Variants in IL1R1 observed in about 807,000 individuals in gnomAD.
IL1R1 encodes the protein interleukin 1 receptor type 1.
IL1R1 carries 22 observed loss-of-function variants against 50.2 expected under a neutral mutation model. The observed-to-expected ratio is 0.44, with a 90% CI of 0.31 to 0.63. The LOEUF (loss-of-function observed/expected upper bound fraction) is 0.63, where lower values mean the gene tolerates loss of function less well. Ranked by LOEUF, IL1R1 falls within the 20% of genes least tolerant of loss-of-function variation. The pLI, the probability that IL1R1 is intolerant of heterozygous loss-of-function variation, is 0.07. For synonymous variants in IL1R1, 251 were observed against 236.7 expected, an observed-to-expected ratio of 1.06 and a Z score of -0.55; for missense variants, 509 against 676.2, an observed-to-expected ratio of 0.75 and a Z score of 2.74.
Position 102,178,570 on chromosome 2 carries a change from T to C in IL1R1, c.*1811T>C, listed in dbSNP as rs200444205. ...GGTGTTCTGAGTACTTGATTTCAGG[T>C]CAATAACGGTCCCCCCTCACTCCAC... On this transcript the variant is annotated 3_prime_UTR_variant, in exon 12 of 12. Coordinates refer to ENST00000410023, the MANE Select transcript of IL1R1 (RefSeq NM_000877.4). The C allele has an allele frequency of 6.6e-6, 1 of 150,890 alleles. No homozygotes were observed. The highest frequency in any genetic ancestry group is 1.5e-5 in the Non-Finnish European group (1 of 67,580). 9.3% of individuals were successfully genotyped at this position (150,890 alleles called of 1,614,324 possible).
intron 1 of IL1R1, among the ~76,000 whole-genome samples, chr2:102,136,374 A>ATT (rs10664336): frequency 0.62 from 73,632 of 118,318 alleles, 23,853 homozygotes; most frequent in Non-Finnish European, 0.66. Context: ...GGATAACAGT[A>ATT]TTTTTTTTTT....
intron 1 of IL1R1, among the ~76,000 whole-genome samples, chr2:102,080,868 C>T (rs1024048445): frequency 6.6e-6 from 1 of 152,164 alleles, no homozygotes; most frequent in African/African-American, 2.4e-5. Context: ...GAATATTATT[C>T]AGCCATGGAA....
chr2:102,174,669 C>T lies in IL1R1; in HGVS notation c.1074C>T (p.Ile358=). The part of the protein sequence containing the change: ...IIVCSVFIYK[I]FKIDIVLWYR... ...TGTGTTCTGTTTTCATCTATAAAAT[C>T]TTCAAGATTGACATTGTGCTTTGGT... The change falls in exon 10 of 12, where the codon ATC becomes ATT. Residue 358 remains isoleucine, a synonymous_variant. Coordinates refer to ENST00000410023, the MANE Select transcript of IL1R1 (RefSeq NM_000877.4). 6.2e-7 allele frequency: 1 copy of T among 1,612,226 alleles called. No individual in the cohort carries two copies.
intron 1 of IL1R1, among the ~76,000 whole-genome samples, chr2:102,072,033 G>T (rs954003534): frequency 3.9e-5 from 6 of 152,052 alleles, no homozygotes; most frequent in African/African-American, 1.5e-4. Context: ...GAAGTGGGGG[G>T]AATCAGCTGA....
intron 1 of IL1R1, among the ~76,000 whole-genome samples, chr2:102,128,895 G>T (rs1407453083): frequency 2.0e-5 from 3 of 152,114 alleles, no homozygotes; most frequent in Non-Finnish European, 2.9e-5. Flanking sequence ...TAGGATGTCT[G>T]TTGCTGTCTA....
chr2:102,169,361 C>T (rs1312542998), intron 7 of IL1R1, among the ~76,000 whole-genome samples: 1 of 152,196 alleles, frequency 6.6e-6, no homozygotes, highest in Non-Finnish European at 1.5e-5. Flanking sequence ...TGGACATGTA[C>T]AATTAAATTA....
At chr2:102,082,076 T>C (rs1173805240) in intron 1 of IL1R1, among the ~76,000 whole-genome samples, 2 of 152,226 alleles carry the variant, frequency 1.3e-5, no homozygotes, top group Non-Finnish European at 2.9e-5. Flanking sequence ...ACCTAACACC[T>C]TGGCATTCAC....
chr2:102,097,227 C>T (rs903544360), intron 1 of IL1R1, among the ~76,000 whole-genome samples: 3 of 152,166 alleles, frequency 2.0e-5, no homozygotes, highest in Admixed American at 1.3e-4. Context: ...CATAGCTTCA[C>T]ATATAAGAGA....
At chr2:102,145,668 T>G (rs905546738) in intron 1 of IL1R1, among the ~76,000 whole-genome samples, 2 of 152,156 alleles carry the variant, frequency 1.3e-5, no homozygotes, top group Non-Finnish European at 2.9e-5. Flanking sequence ...ACATGTGCAG[T>G]GTAAACCCTG....
At chr2:102,140,880 G>GT (rs1682608769), upstream of IL1R1, among the ~76,000 whole-genome samples, 1 of 152,194 alleles carries the variant, frequency 6.6e-6, no homozygotes, top group Admixed American at 6.5e-5. Context: ...TTGGGCGGGT[G>GT]TTTGAGAGTC....
At chr2:102,093,331 T>TGTGA (rs1260211241) in intron 1 of IL1R1, among the ~76,000 whole-genome samples, 1 of 152,178 alleles carries the variant, frequency 6.6e-6, no homozygotes, top group Admixed American at 6.5e-5. Context: ...GGAAAACCCT[T>TGTGA]GTGAGTCTTC....
chr2:102,097,502 C>T (rs1679956559), intron 1 of IL1R1, among the ~76,000 whole-genome samples: 1 of 151,944 alleles, frequency 6.6e-6, no homozygotes, highest in South Asian at 2.1e-4. Context: ...ACAAGTCCCT[C>T]ATCTAGAAAT....
At chr2:102,103,217 G>A (rs545298493), upstream of IL1R1, among the ~76,000 whole-genome samples, 32 of 152,290 alleles carry the variant, frequency 2.1e-4, no homozygotes, top group South Asian at 4.1e-4. Context: ...GCACCTGTAA[G>A]TGCTCACTTC....
upstream of IL1R1, among the ~76,000 whole-genome samples, chr2:102,101,441 G>A (rs190979240): frequency 1.3e-5 from 2 of 152,202 alleles, no homozygotes; most frequent in African/African-American, 2.4e-5. Context: ...CCCATAGCAT[G>A]TTGAGGGGGA....
In IL1R1 at chr2:102,175,529, G is replaced by C; in HGVS notation, c.1187G>C (p.Gly396Ala). Residue 396 changes from glycine (G) to alanine (A), a missense_variant, in exon 11 of 12, where the codon GGG becomes GCG. Transcript: ENST00000410023. ...TATATACTGTATCCAAAGACTGTTG[G>C]GGAAGGGTCTACCTCTGACTGTGAT... ...DAYILYPKTV[G>A]EGSTSDCDIF... The C allele has an allele frequency of 6.2e-7, 1 of 1,613,532 alleles. No individual in the cohort carries two copies. The highest frequency in any genetic ancestry group is 8.5e-7 in the Non-Finnish European group (1 of 1,179,494).
intron 7 of IL1R1, among the ~76,000 whole-genome samples, chr2:102,170,718 C>A (rs1685595204): frequency 6.6e-6 from 1 of 151,996 alleles, no homozygotes. Flanking sequence ...GAGGAAAAAA[C>A]TAAAAAAACC....
chr2:102,084,696 G>A (rs754417213), intron 1 of IL1R1, among the ~76,000 whole-genome samples: 1 of 152,172 alleles, frequency 6.6e-6, no homozygotes, highest in African/African-American at 2.4e-5. Context: ...GCTGCTATGA[G>A]TATTTTTGTA....
intron 11 of IL1R1, 91 bp from the exon 12 acceptor site, chr2:102,176,262 A>G (rs528632217): frequency 9.4e-7 from 1 of 1,066,028 alleles, no homozygotes. Flanking sequence ...TAGGAGCCAT[A>G]CGGTTGTGAA....
At chr2:102,156,523 T>A (rs893099894) in intron 2 of IL1R1, among the ~76,000 whole-genome samples, 2 of 152,110 alleles carry the variant, frequency 1.3e-5, no homozygotes, top group African/African-American at 4.8e-5. Context: ...ACACCTTTTT[T>A]TTTTTTGAGA....
Sources: gnomAD v4.1 joint callset for allele counts (sites outside exome capture counted in the v4.1 genomes callset) on GRCh38, gnomAD v4.1.1 for gene constraint, MANE v1.5 for transcripts, NCBI Gene and HGNC (gene_info 2026-07-23, HGNC 2026-07-21) for gene names.